The following EFCAB6 variants were observed in gnomAD, a reference collection of about 807,000 sequenced individuals.
EFCAB6 encodes the protein EF-hand calcium-binding domain-containing protein 6.
A neutral mutation model predicts 169.8 loss-of-function variants in EFCAB6; 156 were observed. That is an observed-to-expected ratio of 0.92 (90% CI 0.81 to 1.05). The LOEUF is 1.05. EFCAB6 is among the 50% of genes least tolerant of loss of function. The pLI, the probability that EFCAB6 is intolerant of heterozygous loss-of-function variation, is 0.00. For missense variants in EFCAB6, 1,800 were observed against 1,829.1 expected (o/e 0.98, Z 0.29); for synonymous variants, 698 against 676.4 (o/e 1.03, Z -0.50).
Position 43,729,552 on chromosome 22 carries a change from A to G in EFCAB6, c.757+2147T>C, listed in dbSNP as rs201979265. ...CAGTTTATCCAAATTTCATGAAAGTACGCAAACTCTCCAGGAGTGGATAGT... is the reference window on the plus strand; with the variant it reads ...CAGTTTATCCAAATTTCATGAAAGTGCGCAAACTCTCCAGGAGTGGATAGT... On this transcript the variant is annotated intron_variant, in intron 8 of 31. Transcript: ENST00000262726. Among the ~76,000 whole-genome samples, 3 of 152,330 alleles carry G rather than the reference A, an allele frequency of 2.0e-5. No individual in the cohort carries two copies. In the East Asian group the frequency reaches 5.8e-4, roughly 29 times the overall value.
At chr22:43,666,216 C>T (rs1180176290) in intron 17 of EFCAB6, among the ~76,000 whole-genome samples, 2 of 152,196 alleles carry the variant, frequency 1.3e-5, no homozygotes, top group Non-Finnish European at 2.9e-5. Flanking sequence ...CACGTCTTGT[C>T]TTGTTCTGGC....
chr22:43,806,264 A>AT (rs771866108), intron 2 of EFCAB6, among the ~76,000 whole-genome samples: 1,645 of 143,672 alleles, frequency 0.011, 11 homozygotes, highest in African/African-American at 0.02. Flanking sequence ...CTGAAATTCA[A>AT]TTTTTTTTTT....
In EFCAB6 at chr22:43,565,720, G is replaced by A. The variant is rs553495278; in HGVS notation, c.3420+10577C>T. Among the ~76,000 whole-genome samples, 89 of 151,668 alleles carry A rather than the reference G, an allele frequency of 5.9e-4. 1 individual carries two copies. Among genetic ancestry groups the A allele is most frequent in the African/African-American group, 2.1e-3 (87 of 41,320 alleles). ...AAGTTTTGTTCTGAATACTTACAGA[G>A]ACAATTATATGGTTTTTTTCTATGA... On this transcript the variant is annotated intron_variant, in intron 26 of 31. Transcript: ENST00000262726.
At chr22:43,576,230 T>C in intron 26 of EFCAB6, 67 bp downstream of exon 26, 1 of 1,376,332 alleles carries the variant, frequency 7.3e-7, no homozygotes. Context: ...TAATCAATTA[T>C]CCATTTTGTA....
intron 6 of EFCAB6, among the ~76,000 whole-genome samples, chr22:43,751,851 A>G (rs1254398755): frequency 6.6e-6 from 1 of 152,190 alleles, no homozygotes; most frequent in Non-Finnish European, 1.5e-5. Flanking sequence ...GCTTCCTTCC[A>G]TATCAATATG....
intron 17 of EFCAB6, among the ~76,000 whole-genome samples, chr22:43,660,487 C>T (rs562870410): frequency 1.2e-3 from 183 of 152,022 alleles, no homozygotes; most frequent in African/African-American, 4.4e-3. Flanking sequence ...ACTAGTAATG[C>T]ACTCAGCCCC....
intron 17 of EFCAB6, among the ~76,000 whole-genome samples, chr22:43,636,803 G>T (rs529392740): frequency 6.6e-6 from 1 of 151,638 alleles, no homozygotes; most frequent in South Asian, 2.1e-4. Flanking sequence ...GTAGAGACGG[G>T]GTTTCACCAT....
chr22:43,678,329 C>CTGTGTGTG (rs137787), intron 12 of EFCAB6, among the ~76,000 whole-genome samples, 166 bp from the exon 13 acceptor site: 2,647 of 144,294 alleles, frequency 0.018, 46 homozygotes, highest in East Asian at 0.071. Context: ...AACATGAGCA[C>CTGTGTGTG]TGTGTGTGTG....
chr22:43,596,473 A>C (rs2052017635), intron 23 of EFCAB6, among the ~76,000 whole-genome samples: 1 of 151,772 alleles, frequency 6.6e-6, no homozygotes, highest in Non-Finnish European at 1.5e-5. Context: ...CCAAAAAAGA[A>C]ATAAATAAAG....
chr22:43,666,716 C>CAA (rs2057277663), intron 17 of EFCAB6, among the ~76,000 whole-genome samples: 10 of 26,576 alleles, frequency 3.8e-4, no homozygotes, highest in African/African-American at 1.1e-3. Flanking sequence ...TTTTTTTTTT[C>CAA]ATTCTAGAGG....
At chr22:43,591,760 T>C (rs1449802208) in intron 23 of EFCAB6, among the ~76,000 whole-genome samples, 1 of 152,190 alleles carries the variant, frequency 6.6e-6, no homozygotes, top group Non-Finnish European at 1.5e-5. Flanking sequence ...CTCAAGTCTC[T>C]GTGATTCAGA....
At chr22:43,685,317 T>A (rs535995517) in intron 11 of EFCAB6, among the ~76,000 whole-genome samples, 1 of 151,616 alleles carries the variant, frequency 6.6e-6, no homozygotes, top group Admixed American at 6.6e-5. Context: ...TGGAGATTAG[T>A]GTGTGGGTCT....
chr22:43,695,835 A>G (rs531752403), intron 10 of EFCAB6, among the ~76,000 whole-genome samples: 73 of 152,240 alleles, frequency 4.8e-4, no homozygotes, highest in Middle Eastern at 3.4e-3. Context: ...AAATGAATCC[A>G]AATGTAAAAG....
chr22:43,765,471 T>C (rs2061298357), intron 4 of EFCAB6, 78 bp from the exon 5 acceptor site: 1 of 1,072,992 alleles, frequency 9.3e-7, no homozygotes, highest in Non-Finnish European at 1.4e-6. Context: ...GATTTCTAAA[T>C]CACAGCTCTC....
chr22:43,692,304 G>GT (rs2058439174), intron 10 of EFCAB6, among the ~76,000 whole-genome samples: 1 of 152,068 alleles, frequency 6.6e-6, no homozygotes, highest in Admixed American at 6.5e-5. Context: ...TGAATTTAGA[G>GT]TCTCCACAAT....
intron 30 of EFCAB6, among the ~76,000 whole-genome samples, chr22:43,531,767 A>T (rs1272828165): frequency 6.6e-6 from 1 of 152,098 alleles, no homozygotes; most frequent in Admixed American, 6.5e-5. Context: ...GCTGATCCAC[A>T]GGTGGGGAAG....
chr22:43,673,321 T>G (rs2057575080), intron 13 of EFCAB6, among the ~76,000 whole-genome samples: 1 of 152,168 alleles, frequency 6.6e-6, no homozygotes, highest in Non-Finnish European at 1.5e-5. Context: ...ATAAAACATA[T>G]TCTTTGACCC....
At chr22:43,718,849 G>A (rs2059424473) in intron 8 of EFCAB6, among the ~76,000 whole-genome samples, 2 of 152,126 alleles carry the variant, frequency 1.3e-5, no homozygotes, top group South Asian at 4.1e-4. Flanking sequence ...GCCACAGTGG[G>A]CTGAGCATTT....
At chr22:43,697,863 C>T (rs2058631816) in intron 10 of EFCAB6, among the ~76,000 whole-genome samples, 1 of 152,154 alleles carries the variant, frequency 6.6e-6, no homozygotes, top group East Asian at 1.9e-4. Flanking sequence ...TCACACTGTT[C>T]CCAAAGAGCC....
Sources: allele counts gnomAD v4.1 joint callset (sites outside exome capture counted in the v4.1 genomes callset), GRCh38; gene constraint gnomAD v4.1.1; transcripts MANE v1.5; gene names NCBI Gene and HGNC (gene_info 2026-07-23, HGNC 2026-07-21).